ZNF680: variants seen among roughly 807,000 people sequenced by gnomAD.
ZNF680 encodes hypothetical protein FLJ90430.
A neutral mutation model predicts 12.1 loss-of-function variants in ZNF680; 6 were observed. The ratio of observed to expected loss-of-function variants is 0.49; its 90% CI spans 0.27 to 0.98. ZNF680 has a LOEUF of 0.98. ZNF680 is among the 50% of genes least tolerant of loss of function. ZNF680 has a pLI of 0.12. For synonymous variants in ZNF680, 170 were observed against 199.3 expected (o/e 0.85, Z 1.24); for missense variants, 561 against 616.3 (o/e 0.91, Z 0.95).
At chr7:64,529,499 C>T (rs548948800) in intron 3 of ZNF680, among the ~76,000 whole-genome samples, 18 of 152,124 alleles carry the variant, frequency 1.2e-4, no homozygotes, top group African/African-American at 4.3e-4. Flanking sequence ...ACTGGACACA[C>T]TTACAGTAAA....
chr7:64,506,283 G>T, the ZNF680 span, among the ~76,000 whole-genome samples: 5 of 149,194 alleles, frequency 3.4e-5, no homozygotes, highest in Non-Finnish European at 7.4e-5. Context: ...GCTACTGCAA[G>T]CTCCGCCTCC....
At chr7:64,550,880 T>C (rs891384355) in intron 1 of ZNF680, among the ~76,000 whole-genome samples, 12 of 152,216 alleles carry the variant, frequency 7.9e-5, no homozygotes, top group African/African-American at 2.9e-4. Context: ...GTTTATGTCA[T>C]GTCTGGTAAT....
At chr7:64,541,923 A>G (rs1255183569) in intron 3 of ZNF680, among the ~76,000 whole-genome samples, 2 of 152,132 alleles carry the variant, frequency 1.3e-5, no homozygotes, top group African/African-American at 4.8e-5. Context: ...TCTGCCTATA[A>G]AGGAACCCAC....
At chr7:64,502,021 C>CTTTTTTT in the ZNF680 span, among the ~76,000 whole-genome samples, 1 of 14,708 alleles carries the variant, frequency 6.8e-5, no homozygotes, top group African/African-American at 4.8e-4. Context: ...TTTTTTTTTC[C>CTTTTTTT]TGAGATGGAG....
In ZNF680 at chr7:64,519,919, T is replaced by C. The variant is rs980958768; in HGVS notation, c.*1242A>G. ...ATGTTTAATTATAAAATTAAGCTTA[T>C]ACATAATCTAAAAATTTTCAAATGT... is the stretch of plus-strand genomic sequence containing the variant. On this transcript the variant is annotated 3_prime_UTR_variant, in exon 4 of 4. Coordinates refer to ENST00000309683, the MANE Select transcript of ZNF680 (RefSeq NM_178558.5). 4.6e-5 allele frequency: 7 copies of C among 151,852 alleles called. No individual in the cohort carries two copies. Among genetic ancestry groups the C allele is most frequent in the Non-Finnish European group, 1.0e-4 (7 of 67,756 alleles). The allele number at this position is 151,852 out of a possible 1,614,324, so 9.4% of individuals were successfully genotyped here. A position where few individuals can be genotyped will look rare whatever the true frequency, so the allele number is the denominator to read the frequency against.
chr7:64,552,349 G>T (rs962237680), intron 1 of ZNF680, among the ~76,000 whole-genome samples: 4 of 151,930 alleles, frequency 2.6e-5, no homozygotes, highest in African/African-American at 9.7e-5. Context: ...CACTGTGCTC[G>T]GTCACCACCA....
chr7:64,562,557 C>G (rs1194909990), intron 1 of ZNF680, among the ~76,000 whole-genome samples: 2 of 152,082 alleles, frequency 1.3e-5, no homozygotes, highest in Non-Finnish European at 2.9e-5. Flanking sequence ...TTTGCAGTGA[C>G]TTCCATGAAT....
chr7:64,503,947 A>C, the ZNF680 span, among the ~76,000 whole-genome samples: 3 of 152,208 alleles, frequency 2.0e-5, no homozygotes, highest in African/African-American at 7.2e-5. Flanking sequence ...AAAAGCTAAC[A>C]TATTTTAAAC....
At chr7:64,543,059 G>T (rs1210931718) in intron 3 of ZNF680, among the ~76,000 whole-genome samples, 1 of 151,204 alleles carries the variant, frequency 6.6e-6, no homozygotes, top group Non-Finnish European at 1.5e-5. Context: ...TATTGTTAAA[G>T]TGCCATATTA....
chr7:64,505,601 C>T, the ZNF680 span, among the ~76,000 whole-genome samples: 1 of 152,206 alleles, frequency 6.6e-6, no homozygotes, highest in South Asian at 2.1e-4. Context: ...ATTGATGTTC[C>T]AGAGGCTGAT....
intron 3 of ZNF680, among the ~76,000 whole-genome samples, chr7:64,537,781 T>C (rs1390594868): frequency 2.0e-5 from 3 of 151,932 alleles, no homozygotes; most frequent in African/African-American, 7.3e-5. Context: ...CAAAAAACAA[T>C]TAGCCGGGCG....
chr7:64,529,060 C>A (rs1299504198), intron 3 of ZNF680, among the ~76,000 whole-genome samples: 2 of 152,212 alleles, frequency 1.3e-5, no homozygotes, highest in Non-Finnish European at 2.9e-5. Context: ...GGTGGCTATA[C>A]CTAGAAGGGA....
chr7:64,517,201 T>TA (rs1554321694), downstream of ZNF680, among the ~76,000 whole-genome samples: 1 of 151,920 alleles, frequency 6.6e-6, no homozygotes, highest in African/African-American at 2.4e-5. Context: ...GATGGACCAT[T>TA]AGCAAGATTA....
chr7:64,542,563 C>T (rs921540971), intron 3 of ZNF680, among the ~76,000 whole-genome samples: 1 of 151,998 alleles, frequency 6.6e-6, no homozygotes, highest in Non-Finnish European at 1.5e-5. Flanking sequence ...GTTATGGTTC[C>T]ATACACTTAA....
At chr7:64,525,802 G>C (rs1482858503) in intron 3 of ZNF680, 1 of 981,632 alleles carries the variant, frequency 1.0e-6, no homozygotes, top group East Asian at 1.1e-4. Flanking sequence ...AATAGATGTT[G>C]AAATTAGGAG....
At chr7:64,530,869 T>A (rs1371386710) in intron 3 of ZNF680, among the ~76,000 whole-genome samples, 5 of 144,704 alleles carry the variant, frequency 3.5e-5, no homozygotes, top group South Asian at 2.2e-4. Flanking sequence ...AAAAAAAAAA[T>A]TTAAAAATAA....
chr7:64,506,987 T>A, the ZNF680 span, among the ~76,000 whole-genome samples: 1 of 152,260 alleles, frequency 6.6e-6, no homozygotes, highest in Non-Finnish European at 1.5e-5. Context: ...GCTGAATTAC[T>A]TTAATACATG....
chr7:64,506,410 G>A, the ZNF680 span, among the ~76,000 whole-genome samples: 1 of 151,884 alleles, frequency 6.6e-6, no homozygotes. Context: ...GGATGGTCTC[G>A]ATCTCCTGAC....
At chr7:64,505,453 A>G in the ZNF680 span, among the ~76,000 whole-genome samples, 4 of 152,174 alleles carry the variant, frequency 2.6e-5, no homozygotes, top group African/African-American at 7.2e-5. Context: ...ATGCTTTTTC[A>G]TAATAAGTTC....
Sources: gnomAD v4.1 joint callset for allele counts (sites outside exome capture counted in the v4.1 genomes callset) on GRCh38, gnomAD v4.1.1 for gene constraint, MANE v1.5 for transcripts, NCBI Gene and HGNC (gene_info 2026-07-23, HGNC 2026-07-21) for gene names.